Variants in FAF1 observed in about 807,000 individuals in gnomAD.
The protein encoded by FAF1 is FAS-associated factor 1.
Under a neutral mutation model 92.5 loss-of-function variants are expected in FAF1, and 25 were observed. The ratio of observed to expected loss-of-function variants is 0.27; its 90% CI spans 0.20 to 0.38. FAF1 has a LOEUF of 0.38. FAF1 is among the 10% of genes least tolerant of loss of function. The pLI is 1.00. For synonymous variants in FAF1, 234 were observed against 273.2 expected, an observed-to-expected ratio of 0.86 and a Z score of 1.42; for missense variants, 636 against 793.3, an observed-to-expected ratio of 0.80 and a Z score of 2.38.
At chr1:50,803,623 C>T (rs1351330292) in intron 2 of FAF1, among the ~76,000 whole-genome samples, 1 of 152,052 alleles carries the variant, frequency 6.6e-6, no homozygotes, top group Admixed American at 6.6e-5. Flanking sequence ...GTCACCTATT[C>T]AAGACTTAAA....
At chr1:50,559,333 T>G (rs1156930243) in intron 13 of FAF1, among the ~76,000 whole-genome samples, 1 of 152,208 alleles carries the variant, frequency 6.6e-6, no homozygotes, top group Non-Finnish European at 1.5e-5. Context: ...AGAGACTGAC[T>G]TATTCTCAAT....
intron 7 of FAF1, among the ~76,000 whole-genome samples, chr1:50,693,819 C>T (rs1657047835): frequency 6.6e-6 from 1 of 152,002 alleles, no homozygotes; most frequent in African/African-American, 2.4e-5. Context: ...CTCTCTCTCA[C>T]ACACCCACAT....
At chr1:50,759,566 G>A (rs1469233666) in intron 4 of FAF1, among the ~76,000 whole-genome samples, 1 of 151,932 alleles carries the variant, frequency 6.6e-6, no homozygotes, top group African/African-American at 2.4e-5. Flanking sequence ...GGACATTTGG[G>A]TTGGTTCCAA....
chr1:50,645,323 C>T (rs1037556290), intron 8 of FAF1, among the ~76,000 whole-genome samples: 2 of 152,182 alleles, frequency 1.3e-5, no homozygotes, highest in Non-Finnish European at 2.9e-5. Context: ...CATGTGTATG[C>T]AATATAAAGA....
chr1:50,543,824 T>C (rs982817893), intron 13 of FAF1, among the ~76,000 whole-genome samples: 1 of 152,102 alleles, frequency 6.6e-6, no homozygotes, highest in Non-Finnish European at 1.5e-5. Flanking sequence ...CAATACATTA[T>C]AGATGCTGCA....
intron 1 of FAF1, among the ~76,000 whole-genome samples, chr1:50,895,034 G>C (rs1451910008): frequency 6.6e-6 from 1 of 151,650 alleles, no homozygotes; most frequent in African/African-American, 2.4e-5. Flanking sequence ...ATAAAGATCA[G>C]AGCAGAAATA....
intron 9 of FAF1, among the ~76,000 whole-genome samples, 184 bp downstream of exon 9, chr1:50,595,937 G>T (rs377238427): frequency 6.6e-6 from 1 of 152,140 alleles, no homozygotes; most frequent in Non-Finnish European, 1.5e-5. Flanking sequence ...CTAACAGAGC[G>T]AGAAGGAGCA....
rs148019416 is a variant in FAF1 at position 50,763,861 on chromosome 1, T to G, written c.368-19086A>C. On this transcript the variant is annotated intron_variant, in intron 4 of 18. Coordinates refer to ENST00000396153, the MANE Select transcript of FAF1 (RefSeq NM_007051.3). ...CAGGTTTTACATTGCAATAAACTTT[T>G]AAGAAACCACCATTTCCCAAATTTC... Among the ~76,000 whole-genome samples the G allele has an allele frequency of 1.2e-3, 177 of 152,340 alleles. 4 individuals carry two copies. The highest frequency in any genetic ancestry group is 0.011 in the Admixed American group (163 of 15,296).
At chr1:50,495,334 T>G (rs990784064) in intron 15 of FAF1, among the ~76,000 whole-genome samples, 3 of 152,226 alleles carry the variant, frequency 2.0e-5, no homozygotes, top group Admixed American at 6.5e-5. Context: ...GATTTTTACA[T>G]TCTACAAATT....
chr1:50,550,760 A>C (rs939257221), intron 13 of FAF1, among the ~76,000 whole-genome samples: 7 of 152,264 alleles, frequency 4.6e-5, no homozygotes, highest in African/African-American at 1.4e-4. Context: ...CTTCTGCAAA[A>C]CAACAGTAGA....
intron 15 of FAF1, among the ~76,000 whole-genome samples, chr1:50,519,326 C>CGAAA (rs369013289): frequency 1.1e-4 from 15 of 131,290 alleles, no homozygotes; most frequent in Non-Finnish European, 1.6e-5. Context: ...GAGACTGTCT[C>CGAAA]GAAAGAAAGA....
At chr1:50,501,983 T>C (rs1572789647) in intron 15 of FAF1, among the ~76,000 whole-genome samples, 1 of 152,154 alleles carries the variant, frequency 6.6e-6, no homozygotes, top group East Asian at 1.9e-4. Context: ...AGGTGAACAT[T>C]CAAAAAATTG....
intron 15 of FAF1, among the ~76,000 whole-genome samples, chr1:50,533,628 T>G (rs1648302554): frequency 6.6e-6 from 1 of 152,150 alleles, no homozygotes; most frequent in Admixed American, 6.5e-5. Flanking sequence ...TGTTTCACAT[T>G]TGCAATACCT....
chr1:50,461,248 T>C (rs538095894), intron 18 of FAF1, among the ~76,000 whole-genome samples: 1 of 152,222 alleles, frequency 6.6e-6, no homozygotes, highest in African/African-American at 2.4e-5. Flanking sequence ...GCACCACTGA[T>C]AGAGGACTTT....
At chr1:50,945,795 TACA>T (rs748250099) in intron 1 of FAF1, among the ~76,000 whole-genome samples, 8 of 152,322 alleles carry the variant, frequency 5.3e-5, no homozygotes, top group South Asian at 2.1e-4. Flanking sequence ...TCCGTAGAAA[TACA>T]ACAAGTTTCA....
At chr1:50,491,911 A>C (rs1572781743) in intron 15 of FAF1, 110 bp from the exon 16 acceptor site, 3 of 740,628 alleles carry the variant, frequency 4.1e-6, no homozygotes, top group Admixed American at 2.8e-5. Flanking sequence ...CTTATAATTA[A>C]ATAAGAGACT....
chr1:50,907,659 T>A (rs1400553554), intron 1 of FAF1, among the ~76,000 whole-genome samples: 5 of 152,180 alleles, frequency 3.3e-5, no homozygotes, highest in Admixed American at 1.3e-4. Context: ...TTTCTAGTTT[T>A]TTTTCATAGA....
intron 1 of FAF1, among the ~76,000 whole-genome samples, chr1:50,878,273 T>A (rs1005113151): frequency 5.3e-5 from 8 of 152,178 alleles, no homozygotes; most frequent in African/African-American, 1.9e-4. Flanking sequence ...ATGAAAGTTG[T>A]TTTTGATGAG....
chr1:50,464,677 T>C (rs1646472891), intron 18 of FAF1, among the ~76,000 whole-genome samples: 1 of 152,224 alleles, frequency 6.6e-6, no homozygotes, highest in Non-Finnish European at 1.5e-5. Flanking sequence ...GTTTAGCCAT[T>C]ACCAACTCAA....
Sources: allele counts gnomAD v4.1 joint callset (sites outside exome capture counted in the v4.1 genomes callset), GRCh38; gene constraint gnomAD v4.1.1; transcripts MANE v1.5; gene names NCBI Gene and HGNC (gene_info 2026-07-23, HGNC 2026-07-21).